MDM1: variants seen among roughly 807,000 people sequenced by gnomAD.
The protein encoded by MDM1 is stabilizer of axonemal microtubules 6, also known as Mdm1 nuclear protein.
A neutral mutation model predicts 89.1 loss-of-function variants in MDM1; 61 were observed. The ratio of observed to expected loss-of-function variants is 0.68; its 90% CI spans 0.56 to 0.85. The LOEUF is 0.85. Among genes scored for constraint, MDM1 ranks in the 40% least tolerant of loss-of-function variants. MDM1 has a pLI of 0.00. For missense variants in MDM1, 820 were observed against 846.5 expected (o/e 0.97, Z 0.39); for synonymous variants, 290 against 294.1 (o/e 0.99, Z 0.14).
intron 5 of MDM1, among the ~76,000 whole-genome samples, chr12:68,322,551 T>C (rs1413790204): frequency 6.6e-6 from 1 of 152,148 alleles, no homozygotes; most frequent in Non-Finnish European, 1.5e-5. Context: ...GGAGAATTGC[T>C]TGAATCCGGG....
intron 1 of MDM1, chr12:68,331,990 G>A (rs992809429): frequency 4.0e-5 from 28 of 701,854 alleles, no homozygotes; most frequent in Admixed American, 2.8e-4. Flanking sequence ...CTAAGTAAAT[G>A]TGTCTCGCAC....
chr12:68,323,334 G>A, intron 4 of MDM1, 94 bp from the exon 5 acceptor site: 2 of 873,096 alleles, frequency 2.3e-6, no homozygotes, highest in Non-Finnish European at 3.4e-6. Flanking sequence ...TTGAATTACA[G>A]GACAAAAAAA....
At chr12:68,304,031 G>A (rs977032327) in intron 12 of MDM1, among the ~76,000 whole-genome samples, 3 of 152,044 alleles carry the variant, frequency 2.0e-5, no homozygotes, top group African/African-American at 7.2e-5. Context: ...AGAATTGCTC[G>A]AGCTGGGGAG....
At chr12:68,296,441 T>C (rs111468560) in intron 14 of MDM1, among the ~76,000 whole-genome samples, 4 of 152,228 alleles carry the variant, frequency 2.6e-5, no homozygotes, top group Non-Finnish European at 5.9e-5. Context: ...GAGGCTGCAG[T>C]GAGCCGAGAT....
At chr12:68,325,665 C>G (rs1875867670) in intron 3 of MDM1, 90 bp from the exon 4 acceptor site, 1 of 1,382,472 alleles carries the variant, frequency 7.2e-7, no homozygotes, top group Non-Finnish European at 9.4e-7. Context: ...AACATGAAAT[C>G]TATCCTCTTA....
Position 68,295,331 on chromosome 12 carries a change from C to G in MDM1, c.2098G>C (p.Ala700Pro), listed in dbSNP as rs1565760534. 1.2e-6 allele frequency: 2 copies of G among 1,612,858 alleles called. No individual in the cohort carries two copies. Among genetic ancestry groups the G allele is most frequent in the Non-Finnish European group, 1.7e-6 (2 of 1,179,408 alleles). Residue 700 changes from alanine to proline, a missense_variant, in exon 15 of 15, where the codon GCA becomes CCA. Ala to Pro is a conservative substitution (Grantham distance 27, BLOSUM62 -1). Coordinates refer to ENST00000682720, the MANE Select transcript of MDM1 (RefSeq NM_001354969.2). Reference sequence around the variant, plus strand: ...TGAAAAGCCCGGAGACTAGAAGCTGCAGAGCGAGCAGAAATCTCAGACAAT... The same window carrying G: ...TGAAAAGCCCGGAGACTAGAAGCTGGAGAGCGAGCAGAAATCTCAGACAAT... ...DRLSEISARSAASSLRAFQTL... is the reference protein window; with the variant it reads ...DRLSEISARSPASSLRAFQTL...
intron 5 of MDM1, among the ~76,000 whole-genome samples, chr12:68,322,417 G>A (rs1875348992): frequency 6.6e-6 from 1 of 152,198 alleles, no homozygotes; most frequent in Non-Finnish European, 1.5e-5. Flanking sequence ...CGGATCACCT[G>A]AGGCTAGTAG....
At chr12:68,319,679 T>G (rs1874966362) in intron 7 of MDM1, among the ~76,000 whole-genome samples, 1 of 152,196 alleles carries the variant, frequency 6.6e-6, no homozygotes, top group Non-Finnish European at 1.5e-5. Flanking sequence ...CTTATTCTTT[T>G]CCAACTTCAA....
At chr12:68,319,999 C>A (rs1258938060) in intron 7 of MDM1, among the ~76,000 whole-genome samples, 8 of 152,216 alleles carry the variant, frequency 5.3e-5, no homozygotes, top group Admixed American at 3.9e-4. Context: ...TGAGATCAAG[C>A]GTAGAAATCT....
rs774192759 is a variant in MDM1 at position 68,308,127 on chromosome 12, C to CTTTTT, written c.1750-5260_1750-5256dup. Among the ~76,000 whole-genome samples the CTTTTT allele has an allele frequency of 7.8e-3, 1,076 of 138,828 alleles. 11 individuals are homozygous for CTTTTT. The highest frequency in any genetic ancestry group is 0.012 in the Non-Finnish European group (778 of 63,896). 91.1% of individuals were successfully genotyped at this position (138,828 alleles called of 152,430 possible). ...AAAACACTTGCACTTGCTGTTCCTTCTTTTTTTTTTTTTTTTGAGATGGAG... is the reference window on the plus strand; with the variant it reads ...AAAACACTTGCACTTGCTGTTCCTTCTTTTTTTTTTTTTTTTTTTTTGAGATGGAG... On this transcript the variant is annotated intron_variant, in intron 12 of 14. Transcript: ENST00000682720.
intron 12 of MDM1, among the ~76,000 whole-genome samples, chr12:68,304,171 G>A (rs1315056268): frequency 6.6e-6 from 1 of 152,156 alleles, no homozygotes; most frequent in African/African-American, 2.4e-5. Flanking sequence ...AGCACTTTGG[G>A]AGGCCGAGAC....
chr12:68,296,950 G>C lies in MDM1; in HGVS notation c.2035C>G (p.Pro679Ala). 1 of 1,589,378 alleles carries C rather than the reference G, an allele frequency of 6.3e-7. No homozygotes were observed. The highest frequency in any genetic ancestry group is 1.4e-5 in the African/African-American group (1 of 73,320). ...TCATCATTAAAGGCTTCATGTTGAG[G>C]TAACTGCAAATTGTTCATCCTTGCT... ...GKARMNNLQL[P>A]QHEAFNDEDE... Residue 679 changes from proline to alanine, a missense_variant, in exon 14 of 15, where the codon CCT becomes GCT. Coordinates refer to ENST00000682720, the MANE Select transcript of MDM1 (RefSeq NM_001354969.2).
chr12:68,295,506 G>A (rs1871257279), intron 14 of MDM1, 140 bp from the exon 15 acceptor site: 1 of 564,092 alleles, frequency 1.8e-6, no homozygotes, highest in Non-Finnish European at 3.1e-6. Context: ...GTAATCTACT[G>A]AAATGTAAGA....
chr12:68,296,575 T>C (rs1053021837), intron 14 of MDM1, among the ~76,000 whole-genome samples: 5 of 152,166 alleles, frequency 3.3e-5, no homozygotes, highest in African/African-American at 1.2e-4. Context: ...CCATGGAAAA[T>C]TGACAAAAAT....
Position 68,326,650 on chromosome 12 carries a change from T to C in MDM1, c.498+7A>G. ...CTTTTGAAAAGAAATGCAGTGAATA[T>C]GCCTACCCCATTATCTACATTTTCT... On this transcript the variant is annotated splice_region_variant and intron_variant, in intron 3 of 14. Transcript: ENST00000682720. 2 of 1,614,162 alleles carry C rather than the reference T, an allele frequency of 1.2e-6. 1 individual carries two copies. Among genetic ancestry groups the C allele is most frequent in the South Asian group, 2.2e-5 (2 of 91,072 alleles).
At chr12:68,320,839 C>T (rs1336486792) in intron 7 of MDM1, 1 of 152,260 alleles carries the variant, frequency 6.6e-6, no homozygotes, top group African/African-American at 2.4e-5. Flanking sequence ...ATTACCCTTC[C>T]CTTCAAACCT....
chr12:68,330,466 A>G (rs1345689291), intron 2 of MDM1, among the ~76,000 whole-genome samples: 1 of 152,246 alleles, frequency 6.6e-6, no homozygotes, highest in Admixed American at 6.5e-5. Context: ...TCATCTAAGG[A>G]TATAAGTGAT....
At chr12:68,316,536 A>G in intron 8 of MDM1, 45 bp downstream of exon 8, 5 of 1,464,776 alleles carry the variant, frequency 3.4e-6, no homozygotes. Context: ...GAAATTACAC[A>G]AGTAATCTAT....
chr12:68,297,047 A>C (rs2120704340), intron 13 of MDM1, 65 bp from the exon 14 acceptor site: 135 of 1,143,930 alleles, frequency 1.2e-4, no homozygotes, highest in Middle Eastern at 8.2e-4. Context: ...TCTCAATTAT[A>C]TACTAAACTG....
Sources: allele counts gnomAD v4.1 joint callset (sites outside exome capture counted in the v4.1 genomes callset), GRCh38; gene constraint gnomAD v4.1.1; transcripts MANE v1.5; gene names NCBI Gene and HGNC (gene_info 2026-07-23, HGNC 2026-07-21).